The following KCNQ5 variants were observed in gnomAD, a reference collection of about 807,000 sequenced individuals.
The protein encoded by KCNQ5 is potassium voltage-gated channel subfamily KQT member 5.
Under a neutral mutation model 98.2 loss-of-function variants are expected in KCNQ5, and 30 were observed. That is an observed-to-expected ratio of 0.31 (90% CI 0.23 to 0.41). The LOEUF (loss-of-function observed/expected upper bound fraction) is 0.41. KCNQ5 is among the 10% of genes least tolerant of loss of function. The pLI, the probability that KCNQ5 is intolerant of heterozygous loss-of-function variation, is 1.00. For synonymous variants in KCNQ5, 458 were observed against 449.4 expected, an observed-to-expected ratio of 1.02 and a Z score of -0.24; for missense variants, 835 against 1,182.5, an observed-to-expected ratio of 0.71 and a Z score of 4.31.
chr6:72,944,222 T>A (rs1187977322), intron 1 of KCNQ5, among the ~76,000 whole-genome samples: 1 of 152,248 alleles, frequency 6.6e-6, no homozygotes, highest in Non-Finnish European at 1.5e-5. Context: ...TTGCATTAAA[T>A]ACTTAACTTT....
intron 10 of KCNQ5, among the ~76,000 whole-genome samples, chr6:73,138,234 G>C (rs1056871850): frequency 6.6e-6 from 1 of 152,192 alleles, no homozygotes; most frequent in Admixed American, 6.5e-5. Context: ...AGATGCACAG[G>C]TGTTGCCAAC....
intron 1 of KCNQ5, among the ~76,000 whole-genome samples, chr6:72,694,530 A>G (rs900294868): frequency 6.6e-6 from 1 of 152,098 alleles, no homozygotes; most frequent in Non-Finnish European, 1.5e-5. Context: ...TATAAACTCT[A>G]TAGCTGATGG....
At chr6:72,697,755 G>A (rs1007732904) in intron 1 of KCNQ5, among the ~76,000 whole-genome samples, 1 of 152,036 alleles carries the variant, frequency 6.6e-6, no homozygotes, top group African/African-American at 2.4e-5. Flanking sequence ...TTATTAAAAG[G>A]GTTCCTTTTT....
chr6:73,111,172 T>G (rs933900057), intron 6 of KCNQ5, 136 bp from the exon 7 acceptor site: 1 of 652,326 alleles, frequency 1.5e-6, no homozygotes, highest in Non-Finnish European at 2.7e-6. Flanking sequence ...ACTGCTTATT[T>G]TAATAAGTAA....
At chr6:73,131,598 TA>T (rs10707320) in intron 9 of KCNQ5, among the ~76,000 whole-genome samples, 132,426 of 148,794 alleles carry the variant, frequency 0.89, 59,683 homozygotes, top group South Asian at 0.98. Context: ...TTTTACAATT[TA>T]AAAAAAAAAA....
intron 1 of KCNQ5, among the ~76,000 whole-genome samples, chr6:72,941,769 T>G: frequency 7.7e-6 from 1 of 129,536 alleles, no homozygotes; most frequent in Non-Finnish European, 1.7e-5. Flanking sequence ...CAACTACTGA[T>G]TGCTGGTTTC....
At chr6:72,761,731 TA>T (rs148827082) in intron 1 of KCNQ5, among the ~76,000 whole-genome samples, 118 of 152,206 alleles carry the variant, frequency 7.8e-4, no homozygotes, top group Middle Eastern at 3.4e-3. Flanking sequence ...ACAATATGCA[TA>T]TTTTTTTGCT....
intron 8 of KCNQ5, among the ~76,000 whole-genome samples, chr6:73,123,767 T>C (rs1446184498): frequency 2.0e-5 from 3 of 152,150 alleles, no homozygotes; most frequent in African/African-American, 7.2e-5. Context: ...CAAAAACACC[T>C]TGTGGTACCT....
At chr6:72,927,231 C>T (rs542941072) in intron 1 of KCNQ5, among the ~76,000 whole-genome samples, 2 of 152,182 alleles carry the variant, frequency 1.3e-5, no homozygotes, top group African/African-American at 2.4e-5. Context: ...TTTTACAACC[C>T]GAATTCTGTA....
intron 2 of KCNQ5, 61 bp downstream of exon 2, chr6:73,004,059 A>G (rs1769712412): frequency 9.0e-6 from 8 of 890,860 alleles, no homozygotes; most frequent in Non-Finnish European, 1.5e-5. Flanking sequence ...TATAACATTT[A>G]TACTATGCAT....
At chr6:72,919,825 C>T (rs1000936219) in intron 1 of KCNQ5, among the ~76,000 whole-genome samples, 5 of 152,074 alleles carry the variant, frequency 3.3e-5, no homozygotes, top group Non-Finnish European at 5.9e-5. Context: ...TCTGACGTTC[C>T]ATGCCCAAGA....
chr6:72,711,234 G>C (rs907265709), intron 1 of KCNQ5, among the ~76,000 whole-genome samples: 1 of 151,964 alleles, frequency 6.6e-6, no homozygotes, highest in African/African-American at 2.4e-5. Context: ...TACACAGCAA[G>C]AAGTAGCCAT....
At chr6:72,788,356 T>A (rs1187464382) in intron 1 of KCNQ5, among the ~76,000 whole-genome samples, 1 of 152,210 alleles carries the variant, frequency 6.6e-6, no homozygotes, top group East Asian at 1.9e-4. Flanking sequence ...TGGATATCTG[T>A]AAGATGGGAA....
In KCNQ5 at chr6:73,197,649, A is replaced by C. The variant is rs1055579232; in HGVS notation, c.*2235A>C. 390 of 144,496 alleles carry C rather than the reference A, an allele frequency of 2.7e-3. 4 individuals are homozygous for C. The highest frequency in any genetic ancestry group is 9.5e-3 in the African/African-American group (368 of 38,862). 9.0% of individuals were successfully genotyped at this position (144,496 alleles called of 1,614,324 possible). On this transcript the variant is annotated 3_prime_UTR_variant, in exon 14 of 14. Coordinates refer to ENST00000370398, the MANE Select transcript of KCNQ5 (RefSeq NM_019842.4). ...CACACACACACACACACACCCCTCC[A>C]CTGACCTAAAGCCAGACACCTGCCG...
At chr6:73,036,595 T>G (rs890863152) in intron 2 of KCNQ5, among the ~76,000 whole-genome samples, 2 of 152,114 alleles carry the variant, frequency 1.3e-5, no homozygotes, top group African/African-American at 4.8e-5. Flanking sequence ...AATAATACAG[T>G]GTATAACTTT....
At chr6:73,125,366 G>A (rs1447135284) in intron 9 of KCNQ5, 1 of 513,114 alleles carries the variant, frequency 1.9e-6, no homozygotes, top group South Asian at 1.4e-5. Flanking sequence ...GAAAAACAGA[G>A]CCAGGTGGAA....
intron 1 of KCNQ5, among the ~76,000 whole-genome samples, chr6:72,669,160 A>G (rs1370298719): frequency 1.3e-5 from 2 of 152,162 alleles, no homozygotes; most frequent in South Asian, 2.1e-4. Context: ...TTTAAGTCAG[A>G]TGGATGAGAC....
At chr6:73,094,017 C>T (rs1294829166) in intron 5 of KCNQ5, among the ~76,000 whole-genome samples, 2 of 152,064 alleles carry the variant, frequency 1.3e-5, no homozygotes, top group Non-Finnish European at 2.9e-5. Context: ...AAGTCTCCCA[C>T]TATTATTATG....
intron 1 of KCNQ5, among the ~76,000 whole-genome samples, chr6:72,696,389 C>T (rs1768502625): frequency 6.6e-6 from 1 of 152,076 alleles, no homozygotes; most frequent in Non-Finnish European, 1.5e-5. Flanking sequence ...TAATATTAGG[C>T]ACTTTATGAA....
Sources: allele counts gnomAD v4.1 joint callset (sites outside exome capture counted in the v4.1 genomes callset), GRCh38; gene constraint gnomAD v4.1.1; transcripts MANE v1.5; gene names NCBI Gene and HGNC (gene_info 2026-07-23, HGNC 2026-07-21).